Variants in ELF1 observed in about 807,000 individuals in gnomAD.
The protein encoded by ELF1 is ETS-related transcription factor Elf-1.
ELF1 carries 24 observed loss-of-function variants against 59.9 expected under a neutral mutation model. The ratio of observed to expected loss-of-function variants is 0.40; its 90% CI spans 0.29 to 0.56. The LOEUF is 0.56. ELF1 is among the 20% of genes least tolerant of loss of function. The pLI is 0.44. For synonymous variants in ELF1, 248 were observed against 266.2 expected (o/e 0.93, Z 0.67); for missense variants, 627 against 742.2 (o/e 0.84, Z 1.80).
intron 1 of ELF1, among the ~76,000 whole-genome samples, chr13:41,046,426 T>C (rs1219277517): frequency 6.6e-6 from 1 of 152,194 alleles, no homozygotes; most frequent in Non-Finnish European, 1.5e-5. Context: ...CTGGTACCAG[T>C]TGTTCCTTTC....
At chr13:40,951,250 C>G (rs190627219) in intron 4 of ELF1, 79 bp downstream of exon 4, 1 of 1,176,564 alleles carries the variant, frequency 8.5e-7, no homozygotes, top group Admixed American at 2.2e-5. Flanking sequence ...CATTTCTAAT[C>G]TCTTGATTTT....
In ELF1 at chr13:41,054,831, C is replaced by T. The variant is rs565976325; in HGVS notation, c.-229+6007G>A. ...CTTCCATCCACCAGTTCAACCTGCA[C>T]GTTACTACCAAATTCATTTCATTAA... On this transcript the variant is annotated intron_variant, in intron 1 of 1. Coordinates refer to the ELF1 transcript ENST00000405737. Among the ~76,000 whole-genome samples the T allele has an allele frequency of 5.3e-5, 8 of 152,302 alleles. No homozygotes were observed. The South Asian group carries it at 1.2e-3, about 24-fold the overall frequency.
At chr13:40,954,985 T>A (rs1296420267) in intron 3 of ELF1, among the ~76,000 whole-genome samples, 1 of 132,948 alleles carries the variant, frequency 7.5e-6, no homozygotes, top group East Asian at 2.3e-4. Flanking sequence ...CCGGCCGCCA[T>A]CCCATCTAGG....
chr13:40,935,675 ATTT>A (rs35559263), intron 8 of ELF1, among the ~76,000 whole-genome samples: 5 of 138,130 alleles, frequency 3.6e-5, no homozygotes, highest in Non-Finnish European at 4.7e-5. Context: ...GCCAGATACC[ATTT>A]TTTTTTTTTT....
intron 1 of ELF1, among the ~76,000 whole-genome samples, chr13:41,031,287 T>C (rs893493164): frequency 1.3e-5 from 2 of 152,358 alleles, no homozygotes; most frequent in East Asian, 1.9e-4. Context: ...ACCAGTAATG[T>C]ACCTGAGAGC....
intron 1 of ELF1, among the ~76,000 whole-genome samples, chr13:41,032,653 C>T (rs1876211427): frequency 6.6e-6 from 1 of 151,852 alleles, no homozygotes; most frequent in Non-Finnish European, 1.5e-5. Flanking sequence ...AGTTCAAGAC[C>T]AGCCTGGGCA....
intron 8 of ELF1, among the ~76,000 whole-genome samples, chr13:40,935,333 G>T (rs1767870054): frequency 6.6e-6 from 1 of 152,198 alleles, no homozygotes; most frequent in Non-Finnish European, 1.5e-5. Context: ...CTGACAGCTA[G>T]ACTAGTCTCC....
At chr13:41,044,571 C>T (rs370425928) in intron 1 of ELF1, among the ~76,000 whole-genome samples, 2 of 152,026 alleles carry the variant, frequency 1.3e-5, no homozygotes, top group African/African-American at 4.8e-5. Context: ...TTGTCTTTGG[C>T]TCTGTTTATA....
intron 1 of ELF1, among the ~76,000 whole-genome samples, chr13:41,000,160 T>C (rs17061709): frequency 0.021 from 3,212 of 151,894 alleles, 110 homozygotes; most frequent in African/African-American, 0.072. Context: ...AAAATCTTCA[T>C]TTTCTTACAA....
chr13:41,026,913 A>T (rs1332586439), intron 1 of ELF1, among the ~76,000 whole-genome samples: 3 of 152,200 alleles, frequency 2.0e-5, no homozygotes, highest in African/African-American at 7.2e-5. Flanking sequence ...CTCATGAGGA[A>T]TATTCTACAA....
At chr13:40,967,171 C>T (rs1215051625) in intron 2 of ELF1, among the ~76,000 whole-genome samples, 3 of 152,242 alleles carry the variant, frequency 2.0e-5, no homozygotes, top group Non-Finnish European at 4.4e-5. Flanking sequence ...TTCTTGAAAT[C>T]ACTTCCTTTT....
chr13:41,018,303 T>C (rs1875538671), intron 1 of ELF1, among the ~76,000 whole-genome samples: 1 of 152,182 alleles, frequency 6.6e-6, no homozygotes, highest in Non-Finnish European at 1.5e-5. Context: ...ATCTCATAAC[T>C]ACAATGACAA....
intron 1 of ELF1, among the ~76,000 whole-genome samples, chr13:41,027,815 T>C (rs1321030615): frequency 1.3e-5 from 2 of 152,216 alleles, no homozygotes; most frequent in South Asian, 2.1e-4. Context: ...GGTCTTACCA[T>C]GTTCCCTGCC....
intron 1 of ELF1, among the ~76,000 whole-genome samples, chr13:41,042,253 A>G (rs1876642268): frequency 6.6e-6 from 1 of 151,336 alleles, no homozygotes; most frequent in Non-Finnish European, 1.5e-5. Flanking sequence ...ACCTCAAGTA[A>G]TTCGCCTGCC....
In ELF1 at chr13:40,961,136, TGAG is replaced by T. The variant is rs1240564273; in HGVS notation, c.73-2123_73-2121del. 3.2e-5 allele frequency among the ~76,000 whole-genome samples: 4 copies of T among 123,172 alleles called. No homozygotes were observed. The East Asian group carries it at 7.9e-4, about 24-fold the overall frequency. 80.8% of individuals were successfully genotyped at this position (123,172 alleles called of 152,430 possible). A position where few individuals can be genotyped will look rare whatever the true frequency, so the allele number is the denominator to read the frequency against. On this transcript the variant is annotated intron_variant, in intron 2 of 8. Coordinates refer to ENST00000239882, the MANE Select transcript of ELF1 (RefSeq NM_172373.4). Reference sequence around the variant, plus strand: ...AATTAATGTTTACAAAACTACACACTGAGGTTAGACATTACTTCTGTCATAATA... The same window carrying T: ...AATTAATGTTTACAAAACTACACACTGTTAGACATTACTTCTGTCATAATA...
chr13:40,993,280 G>C, intron 1 of ELF1: 3 of 1,574,670 alleles, frequency 1.9e-6, no homozygotes, highest in East Asian at 2.2e-5. Context: ...GTTTCCAGGC[G>C]CTTGAGACAC....
intron 1 of ELF1, among the ~76,000 whole-genome samples, chr13:41,000,666 A>G (rs1438520645): frequency 6.6e-6 from 1 of 152,196 alleles, no homozygotes; most frequent in Non-Finnish European, 1.5e-5. Flanking sequence ...ACATCCAGGA[A>G]TTGTACAATA....
intron 1 of ELF1, among the ~76,000 whole-genome samples, chr13:40,998,668 TAAAG>T (rs1874251514): frequency 6.6e-6 from 1 of 152,226 alleles, no homozygotes; most frequent in African/African-American, 2.4e-5. Flanking sequence ...ACAGAACAAT[TAAAG>T]ATTTAGACTT....
chr13:41,038,509 C>T (rs1055673052), intron 1 of ELF1, among the ~76,000 whole-genome samples: 14 of 151,422 alleles, frequency 9.2e-5, no homozygotes, highest in Admixed American at 7.2e-4. Flanking sequence ...AGCGAGACCC[C>T]GTCTCAAAGA....
Sources: gnomAD v4.1 joint callset for allele counts (sites outside exome capture counted in the v4.1 genomes callset) on GRCh38, gnomAD v4.1.1 for gene constraint, MANE v1.5 for transcripts, NCBI Gene and HGNC (gene_info 2026-07-23, HGNC 2026-07-21) for gene names.